The following ZFHX3 variants were observed in gnomAD, a reference collection of about 807,000 sequenced individuals.
The protein encoded by ZFHX3 is zinc finger homeobox 3.
ZFHX3 carries 42 observed loss-of-function variants against 279.1 expected under a neutral mutation model. The ratio of observed to expected loss-of-function variants is 0.15; its 90% CI spans 0.12 to 0.19. ZFHX3 has a LOEUF of 0.19. Among genes scored for constraint, ZFHX3 ranks in the 10% least tolerant of loss-of-function variants. The probability of loss-of-function intolerance (pLI) is 1.00; values close to 1 mark genes in which losing one functional copy is unlikely to be tolerated. For missense variants in ZFHX3, 4,981 were observed against 4,754.0 expected (o/e 1.05, Z -1.40); for synonymous variants, 2,293 against 1,957.8 (o/e 1.17, Z -4.52).
At chr16:73,574,638 G>A (rs1485762867) in intron 2 of ZFHX3, among the ~76,000 whole-genome samples, 11 of 152,144 alleles carry the variant, frequency 7.2e-5, no homozygotes, top group Admixed American at 7.2e-4. Flanking sequence ...TCCTAACACA[G>A]GGGTTTTTCC....
Position 72,950,082 on chromosome 16 carries a change from G to GA in ZFHX3, c.3216+386dup, listed in dbSNP as rs66812068. 3.7e-3 allele frequency among the ~76,000 whole-genome samples: 504 copies of GA among 136,150 alleles called. 3 individuals are homozygous for GA. The highest frequency in any genetic ancestry group is 0.011 in the African/African-American group (415 of 36,444). 89.3% of individuals were successfully genotyped at this position (136,150 alleles called of 152,430 possible). ...AGGAGCATCCGGGAAAGGAGAAATA[G>GA]AAAAAAAAAAAAAGGAATAAAGAGA... On this transcript the variant is annotated intron_variant, in intron 3 of 9. Coordinates refer to ENST00000268489, the MANE Select transcript of ZFHX3 (RefSeq NM_006885.4).
intron 2 of ZFHX3, among the ~76,000 whole-genome samples, chr16:73,465,511 C>T (rs1018963879): frequency 6.6e-6 from 1 of 151,176 alleles, no homozygotes; most frequent in Non-Finnish European, 1.5e-5. Context: ...TCCTCCTTAC[C>T]TGCTCCTTCT....
chr16:73,413,534 T>C (rs866038468), intron 3 of ZFHX3, among the ~76,000 whole-genome samples: 1 of 152,130 alleles, frequency 6.6e-6, no homozygotes, highest in Non-Finnish European at 1.5e-5. Context: ...CTCCTACAAT[T>C]AGCAAAAGGC....
chr16:73,847,787 G>C (rs556259579), intron 1 of ZFHX3, among the ~76,000 whole-genome samples: 11 of 152,072 alleles, frequency 7.2e-5, no homozygotes, highest in Non-Finnish European at 1.3e-4. Flanking sequence ...GCCCAGGGTG[G>C]AGTACAGTGG....
intron 3 of ZFHX3, among the ~76,000 whole-genome samples, chr16:72,895,370 C>T (rs536980395): frequency 2.6e-5 from 4 of 152,300 alleles, no homozygotes; most frequent in Admixed American, 6.5e-5. Context: ...AATGAGAAAG[C>T]GAGACCAACC....
chr16:73,009,871 A>T (rs1394329574), intron 1 of ZFHX3, among the ~76,000 whole-genome samples: 3 of 152,092 alleles, frequency 2.0e-5, no homozygotes, highest in Non-Finnish European at 4.4e-5. Flanking sequence ...AAATAAAAAA[A>T]TTAGCAGGGT....
In ZFHX3 at chr16:73,355,226, A is replaced by T. The variant is rs1403951682; in HGVS notation, c.-1290-36890T>A. 5.9e-5 allele frequency among the ~76,000 whole-genome samples: 9 copies of T among 152,210 alleles called. No homozygotes were observed. In the East Asian group the frequency reaches 1.5e-3, roughly 26 times the overall value. On this transcript the variant is annotated intron_variant, in intron 3 of 17. Transcript: ENST00000641206. ...TGGGCTCAAAGAAACGCTTTGTAGG[A>T]CACACTCTTTTCTGCCTTTTCTTCT...
chr16:73,430,269 T>A (rs2017888211), intron 3 of ZFHX3, among the ~76,000 whole-genome samples: 1 of 152,126 alleles, frequency 6.6e-6, no homozygotes, highest in Non-Finnish European at 1.5e-5. Flanking sequence ...CCCAGTGCCA[T>A]TTGCATTTCA....
chr16:73,798,396 C>T (rs961232505), intron 1 of ZFHX3, among the ~76,000 whole-genome samples: 1 of 151,484 alleles, frequency 6.6e-6, no homozygotes, highest in Non-Finnish European at 1.5e-5. Flanking sequence ...AGCTGAAATG[C>T]ATTTAAAACA....
At chr16:73,147,963 AG>A (rs1334257423) in intron 5 of ZFHX3, among the ~76,000 whole-genome samples, 6 of 152,200 alleles carry the variant, frequency 3.9e-5, no homozygotes, top group African/African-American at 1.2e-4. Context: ...TCTCTTTGTG[AG>A]CAAGAAAGTC....
chr16:73,570,324 A>G (rs956857718), intron 2 of ZFHX3, among the ~76,000 whole-genome samples: 4 of 152,186 alleles, frequency 2.6e-5, no homozygotes, highest in African/African-American at 9.6e-5. Flanking sequence ...TTAAATACAC[A>G]TTGATTTAGC....
chr16:73,686,466 G>A (rs981139126), intron 1 of ZFHX3, among the ~76,000 whole-genome samples: 4 of 152,108 alleles, frequency 2.6e-5, no homozygotes, highest in African/African-American at 9.7e-5. Flanking sequence ...TGCATAACAC[G>A]TTTTGCAAAA....
chr16:73,102,839 C>T (rs546583484), intron 7 of ZFHX3, among the ~76,000 whole-genome samples: 4 of 152,262 alleles, frequency 2.6e-5, no homozygotes, highest in South Asian at 4.2e-4. Context: ...AGAAAACAAA[C>T]GTAAGTACTT....
At chr16:72,978,944 G>A (rs1049749266) in intron 1 of ZFHX3, among the ~76,000 whole-genome samples, 2 of 152,192 alleles carry the variant, frequency 1.3e-5, no homozygotes, top group Admixed American at 6.5e-5. Context: ...CTCTAGGACA[G>A]ATGTTCTTCT....
chr16:73,308,416 T>C (rs1482234467), intron 4 of ZFHX3, among the ~76,000 whole-genome samples: 1 of 151,742 alleles, frequency 6.6e-6, no homozygotes, highest in Non-Finnish European at 1.5e-5. Context: ...TCAGTCTCCC[T>C]AGTAGCTGCG....
rs920907083 is a variant in ZFHX3 at position 73,316,372 on chromosome 16, C to G, written c.-1194+1868G>C. Among the ~76,000 whole-genome samples the G allele has an allele frequency of 2.8e-4, 42 of 152,092 alleles. 1 individual carries two copies. Among genetic ancestry groups the G allele is most frequent in the African/African-American group, 8.0e-4 (33 of 41,406 alleles). On this transcript the variant is annotated intron_variant, in intron 4 of 17. Coordinates refer to the ZFHX3 transcript ENST00000641206. ...GCAGTGGCAGCCCCTCCAGACCTGC[C>G]CCTTTATGTCCACCCCACCCTCACC...
At chr16:73,856,879 T>C (rs1484274555) in intron 1 of ZFHX3, among the ~76,000 whole-genome samples, 1 of 152,226 alleles carries the variant, frequency 6.6e-6, no homozygotes, top group Non-Finnish European at 1.5e-5. Flanking sequence ...AAAAAATGTT[T>C]CCATGCCCCA....
chr16:73,730,550 C>T (rs2053561665), intron 1 of ZFHX3, among the ~76,000 whole-genome samples: 1 of 151,924 alleles, frequency 6.6e-6, no homozygotes. Context: ...GGCAAGTACC[C>T]GGAGACATCT....
chr16:73,321,020 G>C (rs904987624), intron 3 of ZFHX3, among the ~76,000 whole-genome samples: 2 of 152,156 alleles, frequency 1.3e-5, no homozygotes, highest in African/African-American at 4.8e-5. Flanking sequence ...TGCCAACAGA[G>C]GGATCTGACC....
Sources: gnomAD v4.1 joint callset for allele counts (sites outside exome capture counted in the v4.1 genomes callset) on GRCh38, gnomAD v4.1.1 for gene constraint, MANE v1.5 for transcripts, NCBI Gene and HGNC (gene_info 2026-07-23, HGNC 2026-07-21) for gene names.